The following ADGRL4 variants were observed in gnomAD, a reference collection of about 807,000 sequenced individuals.
ADGRL4 encodes adhesion G protein-coupled receptor L4.
ADGRL4 carries 90 observed loss-of-function variants against 74.8 expected under a neutral mutation model. The ratio of observed to expected loss-of-function variants is 1.20; its 90% CI spans 1.02 to 1.43. The LOEUF is 1.43. Among genes scored for constraint, ADGRL4 ranks in the 40% most tolerant of loss-of-function variants. ADGRL4 has a pLI of 0.00. For synonymous variants in ADGRL4, 311 were observed against 279.2 expected, an observed-to-expected ratio of 1.11 and a Z score of -1.14; for missense variants, 881 against 814.3, an observed-to-expected ratio of 1.08 and a Z score of -1.00.
At chr1:78,911,577 G>T (rs1648763219) in intron 12 of ADGRL4, among the ~76,000 whole-genome samples, 1 of 147,392 alleles carries the variant, frequency 6.8e-6, no homozygotes, top group Non-Finnish European at 1.5e-5. Flanking sequence ...ATTAAATACT[G>T]CTACTTATTC....
In ADGRL4 at chr1:78,917,660, T is replaced by C. The variant is rs757073131; in HGVS notation, c.1723A>G (p.Ile575Val). 28 of 1,605,816 alleles carry C rather than the reference T, an allele frequency of 1.7e-5. No homozygotes were observed. The highest frequency in any genetic ancestry group is 1.1e-4 in the South Asian group (10 of 89,986). The change falls in exon 12 of 15, where the codon ATA becomes GTA. Residue 575 changes from isoleucine (I) to valine (V), a missense_variant. Physicochemically the swap from Ile to Val is conservative, Grantham distance 29 (BLOSUM62 3). Coordinates refer to ENST00000370742, the MANE Select transcript of ADGRL4 (RefSeq NM_022159.4). Reference protein sequence around the residue: ...STENNFIWSFIGPACLIILVN... With the variant: ...STENNFIWSFVGPACLIILVN... The stretch of plus-strand genomic sequence containing the variant: ...AGAATGATTAGGCATGCTGGTCCTA[T>C]AAAACTCCAAATAAAGTTGTTTTCG...
In ADGRL4 at chr1:78,962,510, G is replaced by C. The variant is rs113805915; in HGVS notation, c.173-16084C>G. Among the ~76,000 whole-genome samples the C allele has an allele frequency of 1.1e-4, 16 of 151,942 alleles. 1 individual carries two copies. The highest frequency in any genetic ancestry group is 3.4e-4 in the African/African-American group (14 of 41,446). ...ACACGATTTCCCCCTTCCTCCTGCC[G>C]ACCCAGGTTGAAGACACATTTCCTT... On this transcript the variant is annotated intron_variant, in intron 2 of 14. Transcript: ENST00000370742.
chr1:78,906,762 A>G (rs943874621), intron 12 of ADGRL4, among the ~76,000 whole-genome samples: 1 of 152,014 alleles, frequency 6.6e-6, no homozygotes, highest in African/African-American at 2.4e-5. Context: ...ACTTTAATAT[A>G]AATTTATATA....
At chr1:78,927,499 T>C (rs1649143624) in intron 7 of ADGRL4, among the ~76,000 whole-genome samples, 1 of 152,136 alleles carries the variant, frequency 6.6e-6, no homozygotes, top group South Asian at 2.1e-4. Flanking sequence ...CACAGGCTGA[T>C]AGAATCAAGA....
intron 2 of ADGRL4, among the ~76,000 whole-genome samples, chr1:79,001,510 G>A (rs1268536352): frequency 6.6e-6 from 1 of 152,108 alleles, no homozygotes; most frequent in Non-Finnish European, 1.5e-5. Context: ...GAAGCAGTTA[G>A]TTTTGATAAA....
At chr1:78,971,711 C>A (rs1650173335) in intron 2 of ADGRL4, among the ~76,000 whole-genome samples, 1 of 152,166 alleles carries the variant, frequency 6.6e-6, no homozygotes, top group African/African-American at 2.4e-5. Context: ...GATTTAGTTT[C>A]CTCATTTTCA....
At chr1:78,945,300 T>C (rs947103446) in intron 3 of ADGRL4, among the ~76,000 whole-genome samples, 10 of 151,770 alleles carry the variant, frequency 6.6e-5, no homozygotes, top group African/African-American at 1.7e-4. Context: ...ATTACCCTTC[T>C]CTATGTTGCA....
intron 2 of ADGRL4, among the ~76,000 whole-genome samples, chr1:78,987,367 T>C (rs1650519124): frequency 6.6e-6 from 1 of 151,808 alleles, no homozygotes; most frequent in African/African-American, 2.4e-5. Flanking sequence ...TATACATTTC[T>C]GGTTTGGGGT....
rs1041907046 is a variant in ADGRL4 at position 78,899,244 on chromosome 1, T to A, written c.1750-6055A>T. On this transcript the variant is annotated intron_variant, in intron 12 of 14. Transcript: ENST00000370742. ...TAAGTCAACTGGCCTAGGACAGACC[T>A]GCTTTTGCTATGAACAACAGATGGG... Among the ~76,000 whole-genome samples the A allele has an allele frequency of 4.6e-5, 7 of 152,234 alleles. No individual in the cohort carries two copies. In the East Asian group the frequency reaches 1.2e-3, roughly 25 times the overall value.
At chr1:78,983,827 T>C (rs968689346) in intron 2 of ADGRL4, among the ~76,000 whole-genome samples, 3 of 151,824 alleles carry the variant, frequency 2.0e-5, no homozygotes, top group African/African-American at 7.2e-5. Flanking sequence ...GTAGATTGCC[T>C]ACGAAGAAAA....
chr1:78,982,648 C>A (rs1482296869), intron 2 of ADGRL4, among the ~76,000 whole-genome samples: 1 of 151,802 alleles, frequency 6.6e-6, no homozygotes, highest in East Asian at 1.9e-4. Flanking sequence ...CCTTCTCCAA[C>A]AAAACATCTA....
intron 2 of ADGRL4, among the ~76,000 whole-genome samples, chr1:79,004,140 A>G (rs1007101620): frequency 6.6e-6 from 1 of 152,144 alleles, no homozygotes; most frequent in Non-Finnish European, 1.5e-5. Flanking sequence ...ACAATATACA[A>G]TATCCTGGCT....
rs547292453 is a variant in ADGRL4 at position 78,985,411 on chromosome 1, T to C, written c.172+19659A>G. ...TTTTTGCAATAAGTATATATTACTT[T>C]TATCAAAACAAAATATGCTGAAATG... On this transcript the variant is annotated intron_variant, in intron 2 of 14. Transcript: ENST00000370742. Among the ~76,000 whole-genome samples the C allele has an allele frequency of 2.8e-4, 43 of 151,922 alleles. 1 individual carries two copies. Among genetic ancestry groups the C allele is most frequent in the Admixed American group, 2.8e-3 (43 of 15,198 alleles).
chr1:78,944,191 G>T (rs981683213), intron 3 of ADGRL4, among the ~76,000 whole-genome samples: 5 of 152,062 alleles, frequency 3.3e-5, no homozygotes, highest in African/African-American at 1.2e-4. Context: ...AAGTAAACAT[G>T]ATCAGATAAA....
chr1:78,916,701 T>C (rs1570225089), intron 12 of ADGRL4, among the ~76,000 whole-genome samples: 1 of 151,614 alleles, frequency 6.6e-6, no homozygotes, highest in Non-Finnish European at 1.5e-5. Flanking sequence ...CTCACAACCA[T>C]AAAAAACTCA....
rs183104358 is a variant in ADGRL4, at chr1:78,922,429, G to A, written c.1084-643C>T. ...GAAGCCAGTTAAGTTAGAGCACAGT[G>A]AGTGAGGTAATGAATAGTGAAGACA... On this transcript the variant is annotated intron_variant, in intron 8 of 14. Transcript: ENST00000370742. Among the ~76,000 whole-genome samples, 16 of 152,104 alleles carry A rather than the reference G, an allele frequency of 1.1e-4. No individual in the cohort carries two copies. The East Asian group carries it at 1.2e-3, about 11-fold the overall frequency.
At chr1:78,970,637 G>T (rs1012099227) in intron 2 of ADGRL4, among the ~76,000 whole-genome samples, 2 of 152,166 alleles carry the variant, frequency 1.3e-5, no homozygotes, top group East Asian at 1.9e-4. Flanking sequence ...AACAAGGGAT[G>T]CCTGCTCCCC....
chr1:78,915,224 G>A (rs1648847286), intron 12 of ADGRL4, among the ~76,000 whole-genome samples: 1 of 151,850 alleles, frequency 6.6e-6, no homozygotes. Flanking sequence ...ACTCCAGTAA[G>A]CACATTGCCT....
chr1:78,956,193 T>A (rs894492493), intron 2 of ADGRL4, among the ~76,000 whole-genome samples: 1 of 152,152 alleles, frequency 6.6e-6, no homozygotes, highest in African/African-American at 2.4e-5. Context: ...CTTCATTTTT[T>A]AAATATAAAC....
Sources: allele counts gnomAD v4.1 joint callset (sites outside exome capture counted in the v4.1 genomes callset), GRCh38; gene constraint gnomAD v4.1.1; transcripts MANE v1.5; gene names NCBI Gene and HGNC (gene_info 2026-07-23, HGNC 2026-07-21).